The following KIDINS220 variants were observed in gnomAD, a reference collection of about 807,000 sequenced individuals.
KIDINS220 encodes kinase D interacting substrate 220, also known as kinase D-interacting substrate of 220 kDa.
KIDINS220 carries 63 observed loss-of-function variants against 157.6 expected under a neutral mutation model. The observed-to-expected ratio is 0.40, with a 90% CI of 0.33 to 0.49. KIDINS220 has a LOEUF of 0.49. Among genes scored for constraint, KIDINS220 ranks in the 20% least tolerant of loss-of-function variants. KIDINS220 has a pLI of 0.66. For synonymous variants in KIDINS220, 732 were observed against 783.6 expected (o/e 0.93, Z 1.10); for missense variants, 1,772 against 2,171.2 (o/e 0.82, Z 3.65).
intron 2 of KIDINS220, among the ~76,000 whole-genome samples, chr2:8,822,231 G>T (rs2356659): frequency 1 from 151,917 of 152,340 alleles, 75,752 homozygotes; most frequent in Middle Eastern, 1. Context: ...ATAACCACTG[G>T]TTTTTTTAAA....
intron 23 of KIDINS220, among the ~76,000 whole-genome samples, chr2:8,751,145 T>C (rs1264222550): frequency 7.2e-6 from 1 of 138,224 alleles, no homozygotes; most frequent in African/African-American, 2.8e-5. Flanking sequence ...CATGACTGTA[T>C]GTTAAAAGAA....
chr2:8,728,743 C>T (rs905291564), downstream of KIDINS220: 7 of 538,600 alleles, frequency 1.3e-5, no homozygotes, highest in East Asian at 4.4e-4. Flanking sequence ...CTGGGACTTA[C>T]GAGCCACATT....
intron 13 of KIDINS220, 143 bp from the exon 14 acceptor site, chr2:8,790,202 C>A: frequency 1.4e-6 from 1 of 718,802 alleles, no homozygotes; most frequent in Non-Finnish European, 2.2e-6. Context: ...GCCACTTAAC[C>A]ATTTTACCCA....
intron 22 of KIDINS220, among the ~76,000 whole-genome samples, chr2:8,770,290 T>C (rs2148157902): frequency 6.6e-6 from 1 of 152,182 alleles, no homozygotes; most frequent in Middle Eastern, 3.4e-3. Flanking sequence ...CCTACAGTCC[T>C]AGCTACTTGG....
At chr2:8,728,840 C>G (rs981897531), downstream of KIDINS220, 1 of 984,890 alleles carries the variant, frequency 1.0e-6, no homozygotes, top group Admixed American at 6.1e-5. Context: ...TAACAAACTT[C>G]AGACATGTGA....
At chr2:8,734,994 C>T (rs1282041960) in intron 27 of KIDINS220, among the ~76,000 whole-genome samples, 3 of 152,182 alleles carry the variant, frequency 2.0e-5, no homozygotes. Context: ...AACCGAAGAA[C>T]TAACCCTCCT....
chr2:8,800,332 A>G (rs1674517956), intron 9 of KIDINS220, 68 bp downstream of exon 9: 1 of 974,842 alleles, frequency 1.0e-6, no homozygotes, highest in Admixed American at 2.3e-5. Context: ...GAAGAATAAC[A>G]TTATGATCAG....
At chr2:8,757,121 G>GAA in intron 22 of KIDINS220, 9 of 317,790 alleles carry the variant, frequency 2.8e-5, no homozygotes, top group Non-Finnish European at 4.0e-5. Flanking sequence ...TTCATTTTAG[G>GAA]AAAAAAAAAA....
intron 2 of KIDINS220, among the ~76,000 whole-genome samples, chr2:8,824,549 T>C (rs1251132521): frequency 6.6e-6 from 1 of 152,004 alleles, no homozygotes; most frequent in Non-Finnish European, 1.5e-5. Flanking sequence ...GGTATGGTGG[T>C]GCACACCTGT....
At chr2:8,792,877 A>G (rs1572681797) in intron 12 of KIDINS220, among the ~76,000 whole-genome samples, 1 of 152,362 alleles carries the variant, frequency 6.6e-6, no homozygotes, top group East Asian at 1.9e-4. Context: ...AAAGGTGTTC[A>G]CTGCAGCACT....
chr2:8,808,677 A>G (rs988215035), intron 6 of KIDINS220, among the ~76,000 whole-genome samples: 14 of 152,168 alleles, frequency 9.2e-5, no homozygotes, highest in African/African-American at 3.4e-4. Flanking sequence ...TAATCCCTTT[A>G]TGTGTATTCC....
chr2:8,827,231 C>T (rs1403494781), intron 1 of KIDINS220, 102 bp from the exon 2 acceptor site: 6 of 519,510 alleles, frequency 1.2e-5, no homozygotes, highest in Non-Finnish European at 1.7e-5. Context: ...AAGGACACCT[C>T]CAGTGGCAGA....
downstream of KIDINS220, among the ~76,000 whole-genome samples, chr2:8,726,558 G>A (rs530735461): frequency 7.9e-4 from 120 of 152,304 alleles, no homozygotes; most frequent in African/African-American, 2.8e-3. Flanking sequence ...GACGACAGGG[G>A]TACATTCTGA....
chr2:8,787,690 G>C (rs1327505490), intron 15 of KIDINS220, among the ~76,000 whole-genome samples: 1 of 150,102 alleles, frequency 6.7e-6, no homozygotes, highest in Non-Finnish European at 1.5e-5. Context: ...TTCTTACATT[G>C]CTTACTTCCA....
intron 28 of KIDINS220, among the ~76,000 whole-genome samples, chr2:8,734,137 T>C (rs943832410): frequency 2.0e-5 from 3 of 146,386 alleles, no homozygotes; most frequent in Non-Finnish European, 4.5e-5. Context: ...GGGTCGTGGA[T>C]GGAACATTAC....
downstream of KIDINS220, among the ~76,000 whole-genome samples, chr2:8,728,660 G>GA (rs1558293474): frequency 1.3e-5 from 2 of 152,204 alleles, no homozygotes; most frequent in Non-Finnish European, 2.9e-5. Context: ...CTATCTACAG[G>GA]AACGCACTGC....
At chr2:8,738,089 A>G (rs1053804149) in intron 26 of KIDINS220, among the ~76,000 whole-genome samples, 1 of 152,092 alleles carries the variant, frequency 6.6e-6, no homozygotes, top group African/African-American at 2.4e-5. Flanking sequence ...AAAAAATCAC[A>G]AAAAAATAGT....
intron 22 of KIDINS220, chr2:8,757,819 C>T (rs1668220795): frequency 6.6e-7 from 1 of 1,507,122 alleles, no homozygotes; most frequent in Non-Finnish European, 9.2e-7. Flanking sequence ...TTCAGTATGG[C>T]TCTGTCCTCC....
At chr2:8,747,250 C>A in intron 25 of KIDINS220, 49 bp from the exon 26 acceptor site, 1 of 1,508,636 alleles carries the variant, frequency 6.6e-7, no homozygotes. Flanking sequence ...AAGGGGGGAG[C>A]CAAACTGTGA....
Sources: gnomAD v4.1 joint callset for allele counts (sites outside exome capture counted in the v4.1 genomes callset) on GRCh38, gnomAD v4.1.1 for gene constraint, MANE v1.5 for transcripts, NCBI Gene and HGNC (gene_info 2026-07-23, HGNC 2026-07-21) for gene names.